The following CERS6 variants were observed in gnomAD, a reference collection of about 807,000 sequenced individuals.
CERS6 encodes LAG1 homolog, ceramide synthase 6.
A neutral mutation model predicts 56.8 loss-of-function variants in CERS6; 26 were observed. The observed-to-expected ratio is 0.46, with a 90% confidence interval of 0.34 to 0.63. The LOEUF is 0.63. Ranked by LOEUF, CERS6 falls within the 30% of genes least tolerant of loss-of-function variation. The pLI is 0.01. For missense variants in CERS6, 415 were observed against 467.5 expected (o/e 0.89, Z 1.04); for synonymous variants, 164 against 173.3 (o/e 0.95, Z 0.42).
intron 1 of CERS6, among the ~76,000 whole-genome samples, chr2:168,515,478 A>G (rs1694869205): frequency 6.6e-6 from 1 of 152,130 alleles, no homozygotes; most frequent in Non-Finnish European, 1.5e-5. Context: ...TTGAATTCTC[A>G]TCACCAAGTG....
chr2:168,487,024 A>T (rs982837813), intron 1 of CERS6, among the ~76,000 whole-genome samples: 1 of 152,080 alleles, frequency 6.6e-6, no homozygotes, highest in Non-Finnish European at 1.5e-5. Flanking sequence ...TGCTATATTG[A>T]TAAAGCACTT....
intron 1 of CERS6, among the ~76,000 whole-genome samples, chr2:168,500,185 A>G (rs1371450921): frequency 6.6e-6 from 1 of 152,350 alleles, no homozygotes; most frequent in Admixed American, 6.5e-5. Context: ...CATTTTAAAT[A>G]TAAGTATTGT....
At chr2:168,701,822 A>G (rs746894032) in intron 6 of CERS6, among the ~76,000 whole-genome samples, 3 of 152,192 alleles carry the variant, frequency 2.0e-5, no homozygotes, top group Admixed American at 6.5e-5. Context: ...CCTGGGCAAC[A>G]TAGCAAGACC....
intron 3 of CERS6, among the ~76,000 whole-genome samples, chr2:168,572,570 G>A (rs1039337796): frequency 6.6e-6 from 1 of 151,654 alleles, no homozygotes; most frequent in African/African-American, 2.4e-5. Flanking sequence ...AGAAAATAAT[G>A]TATTATTTTA....
chr2:168,472,234 C>T lies in CERS6; in HGVS notation c.170+15616C>T, dbSNP rs553297918. ...CCTGTATAGCATTCATACTGAAACA[C>T]GCATAAAAGTATACCTTCTTGTACA... On this transcript the variant is annotated intron_variant, in intron 1 of 9. Transcript: ENST00000305747. Among the ~76,000 whole-genome samples the T allele has an allele frequency of 9.9e-5, 15 of 152,234 alleles. No homozygotes were observed. The South Asian group carries it at 2.7e-3, about 27-fold the overall frequency.
At chr2:168,459,670 ATAAAAATTGTATAC>A (rs377572964) in intron 1 of CERS6, among the ~76,000 whole-genome samples, 32 of 152,304 alleles carry the variant, frequency 2.1e-4, no homozygotes, top group African/African-American at 7.2e-4. Flanking sequence ...TTCTCTTAGA[ATAAAAATTGTATAC>A]CATTATATTA....
intron 6 of CERS6, among the ~76,000 whole-genome samples, chr2:168,703,173 A>G (rs1686846168): frequency 6.6e-6 from 1 of 152,230 alleles, no homozygotes; most frequent in African/African-American, 2.4e-5. Flanking sequence ...TCATAAACAA[A>G]TACTCTTTGG....
At chr2:168,689,877 A>T (rs972080746) in intron 4 of CERS6, among the ~76,000 whole-genome samples, 4 of 152,252 alleles carry the variant, frequency 2.6e-5, no homozygotes, top group Non-Finnish European at 4.4e-5. Flanking sequence ...GTTTAGTTTG[A>T]TCAGACTCAG....
chr2:168,560,169 G>C (rs1305332232), intron 2 of CERS6, among the ~76,000 whole-genome samples: 2 of 152,144 alleles, frequency 1.3e-5, no homozygotes, highest in African/African-American at 4.8e-5. Flanking sequence ...CTTGTGCAGG[G>C]AAATTCCCCT....
intron 3 of CERS6, among the ~76,000 whole-genome samples, chr2:168,565,883 A>G (rs370120791): frequency 6.6e-6 from 1 of 152,226 alleles, no homozygotes. Context: ...CATGTGAGAC[A>G]TTTGAGAAGC....
Position 168,671,043 on chromosome 2 carries a change from C to G in CERS6, c.466-19991C>G, listed in dbSNP as rs1232774550. On this transcript the variant is annotated intron_variant, in intron 4 of 9. Transcript: ENST00000305747. ...TGGCACAATCTCAGCTCACCACAAC[C>G]TCTGCCTCCTGGGTTCAAGCGATTC... Among the ~76,000 whole-genome samples, 3 of 148,306 alleles carry G rather than the reference C, an allele frequency of 2.0e-5. No homozygotes were observed. The East Asian group carries it at 6.0e-4, about 30-fold the overall frequency.
At chr2:168,483,711 A>G (rs1009483082) in intron 1 of CERS6, among the ~76,000 whole-genome samples, 13 of 152,366 alleles carry the variant, frequency 8.5e-5, no homozygotes, top group African/African-American at 3.1e-4. Flanking sequence ...GATTGAAGTA[A>G]CGCTTCATAT....
At chr2:168,550,136 C>T (rs115756535) in intron 2 of CERS6, among the ~76,000 whole-genome samples, 3,439 of 152,196 alleles carry the variant, frequency 0.023, 59 homozygotes, top group Non-Finnish European at 0.034. Flanking sequence ...CTTTTTCCTT[C>T]CTCCCTCAGT....
At chr2:168,714,501 G>A (rs945879325) in intron 6 of CERS6, among the ~76,000 whole-genome samples, 2 of 152,208 alleles carry the variant, frequency 1.3e-5, no homozygotes, top group Admixed American at 1.3e-4. Flanking sequence ...AACCTGTACA[G>A]TTGCCCCAAA....
At chr2:168,707,402 A>G (rs1686984343) in intron 6 of CERS6, among the ~76,000 whole-genome samples, 1 of 152,232 alleles carries the variant, frequency 6.6e-6, no homozygotes, top group African/African-American at 2.4e-5. Context: ...CCTTCCTGCC[A>G]GGACTCCTCC....
intron 8 of CERS6, among the ~76,000 whole-genome samples, chr2:168,722,445 G>C (rs759221482): frequency 6.6e-6 from 1 of 151,978 alleles, no homozygotes; most frequent in Non-Finnish European, 1.5e-5. Flanking sequence ...CTGTGTTTTG[G>C]GGTGATTTTT....
intron 8 of CERS6, 144 bp downstream of exon 8, chr2:168,718,122 T>A (rs1046462541): frequency 6.6e-6 from 4 of 609,862 alleles, no homozygotes; most frequent in African/African-American, 5.6e-5. Flanking sequence ...GCTGCTTGAT[T>A]TCTTCTTCCA....
intron 3 of CERS6, among the ~76,000 whole-genome samples, chr2:168,593,111 A>T (rs1167579907): frequency 6.6e-6 from 1 of 151,730 alleles, no homozygotes; most frequent in Non-Finnish European, 1.5e-5. Flanking sequence ...TCTCTATGAC[A>T]CTCCTATTTC....
At chr2:168,611,591 T>A (rs1166945370) in intron 3 of CERS6, among the ~76,000 whole-genome samples, 1 of 152,246 alleles carries the variant, frequency 6.6e-6, no homozygotes, top group Non-Finnish European at 1.5e-5. Context: ...ATGTCTTATT[T>A]ATAACACCAC....
Sources: gnomAD v4.1 joint callset for allele counts (sites outside exome capture counted in the v4.1 genomes callset) on GRCh38, gnomAD v4.1.1 for gene constraint, MANE v1.5 for transcripts, NCBI Gene and HGNC (gene_info 2026-07-23, HGNC 2026-07-21) for gene names.